Variants in EXTL3 observed in about 807,000 individuals in gnomAD.
The protein encoded by EXTL3 is exostosin-like 3.
Under a neutral mutation model 69.3 loss-of-function variants are expected in EXTL3, and 27 were observed. The ratio of observed to expected loss-of-function variants is 0.39; its 90% CI spans 0.29 to 0.54. The LOEUF (loss-of-function observed/expected upper bound fraction) is 0.54, where lower values mean the gene tolerates loss of function less well. EXTL3 is among the 20% of genes least tolerant of loss of function. The pLI, the probability that EXTL3 is intolerant of heterozygous loss-of-function variation, is 0.69. For missense variants in EXTL3, 1,003 were observed against 1,231.8 expected (o/e 0.81, Z 2.78); for synonymous variants, 511 against 499.4 (o/e 1.02, Z -0.31).
chr8:28,736,529 T>TC (rs1476439966), intron 4 of EXTL3, among the ~76,000 whole-genome samples: 2 of 152,224 alleles, frequency 1.3e-5, no homozygotes, highest in African/African-American at 4.8e-5. Flanking sequence ...TACTGAAGTC[T>TC]CCATTTATTT....
intron 1 of EXTL3, among the ~76,000 whole-genome samples, chr8:28,709,676 G>A (rs998303904): frequency 3.3e-5 from 5 of 152,184 alleles, no homozygotes; most frequent in African/African-American, 1.2e-4. Flanking sequence ...TTCAATATCA[G>A]TGTTTTAGTT....
At chr8:28,729,440 C>CA (rs1053074004) in intron 3 of EXTL3, among the ~76,000 whole-genome samples, 2 of 144,852 alleles carry the variant, frequency 1.4e-5, no homozygotes, top group Non-Finnish European at 3.0e-5. Context: ...ACTAAAAATG[C>CA]AAAAAAATAG....
At chr8:28,738,916 C>A (rs1801714563) in intron 5 of EXTL3, among the ~76,000 whole-genome samples, 1 of 152,218 alleles carries the variant, frequency 6.6e-6, no homozygotes, top group Non-Finnish European at 1.5e-5. Flanking sequence ...TGTCTGCATC[C>A]ATGCCCTCCA....
At chr8:28,731,388 A>C in intron 4 of EXTL3, 38 bp downstream of exon 4, 2 of 1,612,828 alleles carry the variant, frequency 1.2e-6, no homozygotes, top group Non-Finnish European at 1.7e-6. Flanking sequence ...TTAGGTTGCA[A>C]GTGACAGAAA....
intron 6 of EXTL3, among the ~76,000 whole-genome samples, chr8:28,745,325 T>C (rs1801867372): frequency 6.6e-6 from 1 of 152,228 alleles, no homozygotes; most frequent in Non-Finnish European, 1.5e-5. Context: ...CACTCCTGAT[T>C]GTCCCAGGGT....
At chr8:28,640,894 G>A (rs1806732032) in intron 1 of EXTL3, among the ~76,000 whole-genome samples, 1 of 152,138 alleles carries the variant, frequency 6.6e-6, no homozygotes, top group African/African-American at 2.4e-5. Flanking sequence ...GAGCCACTAC[G>A]CCCAGCTGTT....
intron 2 of EXTL3, among the ~76,000 whole-genome samples, chr8:28,607,972 T>C (rs368461963): frequency 3.2e-4 from 48 of 151,566 alleles, no homozygotes; most frequent in Non-Finnish European, 4.4e-4. Flanking sequence ...TAGCCAGGCG[T>C]GGTGGTGGGC....
intron 1 of EXTL3, among the ~76,000 whole-genome samples, chr8:28,677,732 T>G (rs1170709859): frequency 6.6e-6 from 1 of 152,050 alleles, no homozygotes; most frequent in Non-Finnish European, 1.5e-5. Flanking sequence ...CTTTGTTCTG[T>G]TACGAAAAAA....
intron 2 of EXTL3, among the ~76,000 whole-genome samples, chr8:28,609,885 G>C (rs1806249032): frequency 7.0e-6 from 1 of 142,872 alleles, no homozygotes; most frequent in Non-Finnish European, 1.5e-5. Context: ...GTGAGACACT[G>C]GCTCAAAAAA....
intron 4 of EXTL3, 54 bp downstream of exon 4, chr8:28,731,404 G>T: frequency 6.2e-7 from 1 of 1,602,844 alleles, no homozygotes; most frequent in Non-Finnish European, 8.5e-7. Flanking sequence ...AGAAAACCTG[G>T]ATTAGGCTGC....
chr8:28,645,768 A>G (rs779871659), intron 1 of EXTL3, among the ~76,000 whole-genome samples: 1 of 150,552 alleles, frequency 6.6e-6, no homozygotes, highest in South Asian at 2.1e-4. Flanking sequence ...GGCTCAAGCA[A>G]TCTACCCACC....
In EXTL3 at chr8:28,717,696, G is replaced by A. The variant is rs143705855; in HGVS notation, c.1637G>A (p.Arg546Gln). The change falls in exon 3 of 7, where the codon CGG (arginine) becomes CAG (glutamine). Residue 546 changes from arginine to glutamine, a missense_variant. This residue lies in a region of EXTL3 where 742 missense variants were observed against 815.4 expected (regional missense o/e 0.91). Coordinates refer to ENST00000220562, the MANE Select transcript of EXTL3 (RefSeq NM_001440.4). This position sits in a 1 kb window ranked among gnomAD's most constrained non-coding sequence, Gnocchi z 8.3. ...ATCCAGATCCCAGCCGCTCCCATCC[G>A]GGAAGAGGCGGCAGCTGAGATCCCC... is the stretch of plus-strand genomic sequence containing the variant. ...TRIQIPAAPI[R>Q]EEAAAEIPHR... is the part of the protein sequence containing the mutation. 10 of 1,614,210 alleles carry A rather than the reference G, an allele frequency of 6.2e-6. No individual in the cohort carries two copies. The highest frequency in any genetic ancestry group is 3.3e-5 in the Admixed American group (2 of 60,032).
rs1801532311 is a variant in EXTL3, at chr8:28,731,261, C to T, written c.2187C>T (p.Phe729=). 6.2e-7 allele frequency: 1 copy of T among 1,614,162 alleles called. No individual in the cohort carries two copies. ...AGAAGAACAGTTTGAACAACCGATTCTTACCCTGGAATGAAATTGAGACAG... is the reference window on the plus strand; with the variant it reads ...AGAAGAACAGTTTGAACAACCGATTTTTACCCTGGAATGAAATTGAGACAG... The part of the protein sequence containing the change: ...RTEKNSLNNR[F]LPWNEIETEA... The change falls in exon 4 of 7, where the codon TTC becomes TTT. Residue 729 remains phenylalanine, a synonymous_variant. Transcript: ENST00000220562.
intron 1 of EXTL3, among the ~76,000 whole-genome samples, chr8:28,644,683 A>G (rs1228834195): frequency 6.6e-6 from 1 of 152,246 alleles, no homozygotes; most frequent in Non-Finnish European, 1.5e-5. Context: ...TCTAAAAAAT[A>G]AAATTTAAAA....
At position 28,716,499 on chromosome 8, in the gene EXTL3, C is replaced by T. The variant is rs1210775683; in HGVS notation, c.440C>T (p.Ala147Val). 6.2e-7 allele frequency: 1 copy of T among 1,613,988 alleles called. No individual in the cohort carries two copies. The highest frequency in any genetic ancestry group is 1.1e-5 in the South Asian group (1 of 91,082). ...GAGCATTCCTACAAGGAGCTCATGG[C>T]CCAGAACCAGCCCAAGCTGTCCCTG... The part of the protein sequence containing the change: ...QTEHSYKELM[A>V]QNQPKLSLPI... The change falls in exon 3 of 7, where the codon GCC (alanine) becomes GTC (valine). Residue 147 changes from alanine to valine, a missense_variant. Ala to Val is a moderately conservative substitution (Grantham distance 64). Coordinates refer to ENST00000220562, the MANE Select transcript of EXTL3 (RefSeq NM_001440.4). This position sits in a 1 kb window ranked among gnomAD's most constrained non-coding sequence, Gnocchi z 7.1.
At chr8:28,635,715 CCACA>C (rs146671194) in intron 1 of EXTL3, among the ~76,000 whole-genome samples, 3,874 of 142,766 alleles carry the variant, frequency 0.027, 127 homozygotes, top group African/African-American at 0.084. Context: ...CCCCACAACT[CCACA>C]CACACACACA....
At chr8:28,675,271 T>A (rs1327893144) in intron 1 of EXTL3, among the ~76,000 whole-genome samples, 1 of 152,114 alleles carries the variant, frequency 6.6e-6, no homozygotes, top group Non-Finnish European at 1.5e-5. Context: ...TTCTCCAAAA[T>A]GTATAAATAA....
At chr8:28,609,996 G>A (rs896747020) in intron 2 of EXTL3, among the ~76,000 whole-genome samples, 6 of 151,550 alleles carry the variant, frequency 4.0e-5, no homozygotes, top group Admixed American at 3.9e-4. Context: ...CTGCGGTCAG[G>A]AGTTCGAGAC....
At chr8:28,743,886 A>T (rs1263424205) in intron 6 of EXTL3, 1 of 155,746 alleles carries the variant, frequency 6.4e-6, no homozygotes, top group Non-Finnish European at 1.4e-5. Flanking sequence ...TAAAGCTCTA[A>T]GAATAGTGCC....
Sources: allele counts gnomAD v4.1 joint callset (sites outside exome capture counted in the v4.1 genomes callset), GRCh38; gene constraint gnomAD v4.1.1; regional missense constraint gnomAD v4.1.1; non-coding constraint Gnocchi (gnomAD v3.1); transcripts MANE v1.5; gene names NCBI Gene and HGNC (gene_info 2026-07-23, HGNC 2026-07-21).